Variants in NCAM1 observed in about 807,000 individuals in gnomAD.
NCAM1 encodes the protein antigen recognized by monoclonal antibody 5.1H11.
In NCAM1, 14 loss-of-function variants were observed where a neutral mutation model predicts 109.8. That is an observed-to-expected ratio of 0.13 (90% CI 0.08 to 0.20). The LOEUF is 0.20. Ranked by LOEUF, NCAM1 falls within the 10% of genes least tolerant of loss-of-function variation. The pLI is 1.00. For missense variants in NCAM1, 774 were observed against 1,109.9 expected (o/e 0.70, Z 4.30); for synonymous variants, 418 against 442.9 (o/e 0.94, Z 0.70).
intron 9 of NCAM1, among the ~76,000 whole-genome samples, chr11:113,229,045 A>G (rs1489084309): frequency 6.6e-6 from 1 of 152,200 alleles, no homozygotes; most frequent in Non-Finnish European, 1.5e-5. Flanking sequence ...CGTCTAAAAC[A>G]CCAAAAGCAA....
chr11:113,168,435 C>T (rs782544829), intron 1 of NCAM1, among the ~76,000 whole-genome samples: 3 of 152,136 alleles, frequency 2.0e-5, no homozygotes, highest in South Asian at 2.1e-4. Context: ...CTTGCACGGT[C>T]GTGACTAGCT....
intron 1 of NCAM1, among the ~76,000 whole-genome samples, chr11:112,983,148 G>A (rs1951198121): frequency 6.6e-6 from 1 of 151,956 alleles, no homozygotes; most frequent in Non-Finnish European, 1.5e-5. Context: ...TGGTGGTACT[G>A]CTTTCAATTC....
intron 3 of NCAM1, among the ~76,000 whole-genome samples, chr11:113,205,184 G>A (rs2136925670): frequency 6.6e-6 from 1 of 152,300 alleles, no homozygotes; most frequent in Non-Finnish European, 1.5e-5. Context: ...TGGAATGGAT[G>A]TTCCACCAGT....
intron 1 of NCAM1, among the ~76,000 whole-genome samples, chr11:113,033,571 C>T (rs1484491867): frequency 6.6e-6 from 1 of 152,110 alleles, no homozygotes; most frequent in Non-Finnish European, 1.5e-5. Context: ...AGAATAGTGG[C>T]TATTCTTCAG....
At chr11:113,267,567 T>C (rs1486214888) in intron 17 of NCAM1, among the ~76,000 whole-genome samples, 2 of 152,092 alleles carry the variant, frequency 1.3e-5, no homozygotes, top group African/African-American at 4.8e-5. Flanking sequence ...GAGCTGGATG[T>C]GTTCAGCAGG....
At chr11:113,263,593 C>G in intron 17 of NCAM1, 1 of 985,518 alleles carries the variant, frequency 1.0e-6, no homozygotes, top group Non-Finnish European at 1.2e-6. Flanking sequence ...ACGGCCAGCA[C>G]CTTACACTGT....
At chr11:113,272,838 C>T in intron 19 of NCAM1, 1 of 439,732 alleles carries the variant, frequency 2.3e-6, no homozygotes, top group South Asian at 1.7e-5. Context: ...CCCCCACCCC[C>T]ATGGTCCCTG....
At chr11:113,043,196 A>G (rs1953139090) in intron 1 of NCAM1, among the ~76,000 whole-genome samples, 1 of 151,858 alleles carries the variant, frequency 6.6e-6, no homozygotes, top group African/African-American at 2.4e-5. Flanking sequence ...AGGTTTTAGA[A>G]CTTCATCCTG....
intron 1 of NCAM1, among the ~76,000 whole-genome samples, chr11:113,048,369 A>G (rs1280647920): frequency 6.6e-6 from 1 of 152,220 alleles, no homozygotes; most frequent in East Asian, 1.9e-4. Context: ...ATCACTTGCT[A>G]TATTAGGTTT....
intron 1 of NCAM1, among the ~76,000 whole-genome samples, chr11:112,974,273 G>A (rs1234989646): frequency 6.6e-6 from 1 of 151,942 alleles, no homozygotes; most frequent in Non-Finnish European, 1.5e-5. Context: ...CTTGCTTCTT[G>A]TCTCTTTTTG....
chr11:113,235,899 C>T (rs1945154262), intron 14 of NCAM1, among the ~76,000 whole-genome samples: 1 of 152,204 alleles, frequency 6.6e-6, no homozygotes, highest in African/African-American at 2.4e-5. Flanking sequence ...TCCTGTCATA[C>T]CCCTTTGCAG....
At chr11:113,076,056 T>C (rs538707725) in intron 1 of NCAM1, among the ~76,000 whole-genome samples, 24 of 152,298 alleles carry the variant, frequency 1.6e-4, no homozygotes, top group African/African-American at 5.3e-4. Flanking sequence ...AAAGGCCTGA[T>C]GTCTGTTGGG....
At chr11:113,032,238 TCCA>T (rs1194375573) in intron 1 of NCAM1, among the ~76,000 whole-genome samples, 1 of 152,186 alleles carries the variant, frequency 6.6e-6, no homozygotes, top group Non-Finnish European at 1.5e-5. Flanking sequence ...TTGCCTAACT[TCCA>T]CGCAGGTAAT....
At chr11:113,203,109 T>A (rs372823027) in intron 2 of NCAM1, among the ~76,000 whole-genome samples, 4 of 152,304 alleles carry the variant, frequency 2.6e-5, no homozygotes, top group African/African-American at 9.6e-5. Context: ...GGTTTCAAAT[T>A]AAGCCTCAGA....
At chr11:113,022,335 T>C (rs1365518424) in intron 1 of NCAM1, among the ~76,000 whole-genome samples, 1 of 152,210 alleles carries the variant, frequency 6.6e-6, no homozygotes, top group East Asian at 1.9e-4. Flanking sequence ...CCATCAGAGC[T>C]GATGAAGTCT....
At chr11:113,127,330 C>G (rs187936883) in intron 1 of NCAM1, among the ~76,000 whole-genome samples, 107 of 152,290 alleles carry the variant, frequency 7.0e-4, no homozygotes, top group Non-Finnish European at 1.2e-3. Context: ...CTCTGCAAAA[C>G]CTCCGTGTCC....
chr11:113,171,145 G>A (rs1054742357), intron 1 of NCAM1, among the ~76,000 whole-genome samples: 9 of 152,116 alleles, frequency 5.9e-5, no homozygotes, highest in African/African-American at 1.7e-4. Context: ...AAAACTCTCA[G>A]GTGGATGTTA....
intron 17 of NCAM1, chr11:113,269,853 AAC>A (rs781974308): frequency 4.6e-5 from 17 of 366,348 alleles, no homozygotes; most frequent in Non-Finnish European, 6.7e-5. Flanking sequence ...GTCCAGGGGA[AAC>A]ACAGCAGCGC....
intron 1 of NCAM1, among the ~76,000 whole-genome samples, chr11:113,171,076 T>G (rs1267584855): frequency 1.3e-5 from 2 of 152,330 alleles, no homozygotes; most frequent in African/African-American, 4.8e-5. Flanking sequence ...GCTGGTTTCC[T>G]CTGTGTGCCA....
Sources: allele counts gnomAD v4.1 joint callset (sites outside exome capture counted in the v4.1 genomes callset), GRCh38; gene constraint gnomAD v4.1.1; transcripts MANE v1.5; gene names NCBI Gene and HGNC (gene_info 2026-07-23, HGNC 2026-07-21).